Variants in AGMO observed in about 807,000 individuals in gnomAD.
The protein encoded by AGMO is alkylglycerol monooxygenase, also known as glyceryl-ether monooxygenase.
Under a neutral mutation model 60.2 loss-of-function variants are expected in AGMO, and 75 were observed. That is an observed-to-expected ratio of 1.25 (90% CI 1.03 to 1.51). AGMO has a LOEUF of 1.51. Among genes scored for constraint, AGMO ranks in the 40% most tolerant of loss-of-function variants. AGMO has a pLI of 0.00. For missense variants in AGMO, 763 were observed against 525.5 expected, an observed-to-expected ratio of 1.45 and a Z score of -4.42; for synonymous variants, 261 against 177.1, an observed-to-expected ratio of 1.47 and a Z score of -3.76.
At chr7:15,396,810 C>T (rs945617280) in intron 5 of AGMO, among the ~76,000 whole-genome samples, 6 of 152,052 alleles carry the variant, frequency 3.9e-5, no homozygotes, top group African/African-American at 1.4e-4. Flanking sequence ...TTACAGAGAG[C>T]TGATTGGTCC....
chr7:15,184,536 G>A, the AGMO span, among the ~76,000 whole-genome samples: 17 of 98,732 alleles, frequency 1.7e-4, no homozygotes, highest in African/African-American at 6.0e-4. Context: ...GGAAGGAAGG[G>A]AGGTAAAAAG....
intron 12 of AGMO, among the ~76,000 whole-genome samples, chr7:15,273,804 G>A (rs1479400403): frequency 6.6e-6 from 1 of 152,178 alleles, no homozygotes. Context: ...TTGTTGAGCA[G>A]TGGTTTGTAG....
the AGMO span, among the ~76,000 whole-genome samples, chr7:15,173,156 G>T: frequency 2.6e-5 from 4 of 151,692 alleles, no homozygotes; most frequent in African/African-American, 9.7e-5. Context: ...TAAATCTATT[G>T]AATATATTTA....
intron 12 of AGMO, among the ~76,000 whole-genome samples, chr7:15,293,580 T>C (rs1784334603): frequency 6.6e-6 from 1 of 152,160 alleles, no homozygotes; most frequent in Non-Finnish European, 1.5e-5. Context: ...AGGGTACTAG[T>C]TACAAAAAAC....
At chr7:15,260,241 C>T (rs1254708989) in intron 12 of AGMO, among the ~76,000 whole-genome samples, 2 of 149,248 alleles carry the variant, frequency 1.3e-5, no homozygotes, top group Non-Finnish European at 3.0e-5. Context: ...AATTCACCAA[C>T]CAAGTTTCTG....
chr7:15,498,605 G>A (rs547316516), intron 3 of AGMO, among the ~76,000 whole-genome samples: 36 of 152,002 alleles, frequency 2.4e-4, no homozygotes, highest in African/African-American at 8.7e-4. Flanking sequence ...ATTTATGGAT[G>A]CACTGACCAA....
chr7:15,365,642 T>C lies in AGMO; in HGVS notation c.1158-23A>G, dbSNP rs186305485. The C allele has an allele frequency of 4.6e-5, 70 of 1,517,554 alleles. No homozygotes were observed. The African/African-American group carries it at 8.9e-4, about 19-fold the overall frequency. 94.0% of individuals were successfully genotyped at this position (1,517,554 alleles called of 1,614,324 possible). On this transcript the variant is annotated intron_variant, in intron 11 of 12. Coordinates refer to ENST00000342526, the MANE Select transcript of AGMO (RefSeq NM_001004320.2). Reference sequence around the variant, plus strand: ...GGTCTGAAATAAAATGTCATTAACATGCATTAGCTTTAAATATGCTCTTTA... The same window carrying C: ...GGTCTGAAATAAAATGTCATTAACACGCATTAGCTTTAAATATGCTCTTTA...
intron 4 of AGMO, among the ~76,000 whole-genome samples, chr7:15,419,014 T>C (rs1181371606): frequency 6.6e-6 from 1 of 151,912 alleles, no homozygotes; most frequent in African/African-American, 2.4e-5. Flanking sequence ...AATGGATGAC[T>C]TTATACCTTT....
intron 10 of AGMO, among the ~76,000 whole-genome samples, chr7:15,379,958 A>G (rs1330420795): frequency 1.3e-5 from 2 of 152,002 alleles, no homozygotes; most frequent in African/African-American, 4.8e-5. Context: ...TTAATTCGAC[A>G]CCCTTTCATA....
At chr7:15,302,401 G>A (rs898524351) in intron 12 of AGMO, among the ~76,000 whole-genome samples, 1 of 152,050 alleles carries the variant, frequency 6.6e-6, no homozygotes, top group Non-Finnish European at 1.5e-5. Context: ...GAATAAAGTT[G>A]GGGTCTAATA....
intron 10 of AGMO, among the ~76,000 whole-genome samples, chr7:15,383,750 C>G (rs547317212): frequency 6.3e-4 from 95 of 151,978 alleles, no homozygotes; most frequent in Non-Finnish European, 1.1e-3. Flanking sequence ...ATTTATTATT[C>G]TCTGTATTCA....
At chr7:15,324,032 T>C (rs146899622) in intron 12 of AGMO, among the ~76,000 whole-genome samples, 3 of 152,304 alleles carry the variant, frequency 2.0e-5, no homozygotes, top group Admixed American at 6.5e-5. Context: ...ATTTATGTAA[T>C]TGTTCTATAT....
intron 10 of AGMO, among the ~76,000 whole-genome samples, chr7:15,381,203 T>C (rs2128481351): frequency 6.6e-6 from 1 of 152,244 alleles, no homozygotes; most frequent in East Asian, 1.9e-4. Flanking sequence ...CTGAAGAGCT[T>C]CTGCAAAGCA....
intron 3 of AGMO, among the ~76,000 whole-genome samples, chr7:15,480,396 A>G (rs1352384310): frequency 6.6e-6 from 1 of 152,200 alleles, no homozygotes; most frequent in Non-Finnish European, 1.5e-5. Flanking sequence ...AATGGGATTG[A>G]GTAGCCTTCA....
chr7:15,495,966 G>A (rs1168990679), intron 3 of AGMO, among the ~76,000 whole-genome samples: 1 of 151,898 alleles, frequency 6.6e-6, no homozygotes, highest in African/African-American at 2.4e-5. Flanking sequence ...GACCTAATCT[G>A]AATCTTGGTC....
Position 15,306,562 on chromosome 7 carries a change from A to G in AGMO, c.1263+58952T>C, listed in dbSNP as rs765492857. The G allele has an allele frequency of 3.1e-5, 12 of 383,856 alleles. No individual in the cohort carries two copies. The East Asian group carries it at 5.5e-4, about 18-fold the overall frequency. The allele number at this position is 383,856 out of a possible 1,614,324, so 23.8% of individuals were successfully genotyped here. ...AGCCCAATTTCACTTATAACAGAAT[A>G]TGACTGTGTAAAAAAAAAAAAGCAT... is the stretch of plus-strand genomic sequence containing the variant. On this transcript the variant is annotated intron_variant, in intron 12 of 12. Coordinates refer to ENST00000342526, the MANE Select transcript of AGMO (RefSeq NM_001004320.2).
chr7:15,517,919 T>C (rs917881243), intron 3 of AGMO, among the ~76,000 whole-genome samples: 23 of 152,140 alleles, frequency 1.5e-4, no homozygotes, highest in Admixed American at 1.3e-4. Flanking sequence ...TAAGATCCAC[T>C]GGTTTGAAAT....
rs544620531 is a variant in AGMO at position 15,304,718 on chromosome 7, T to C, written c.1263+60796A>G. 1.3e-3 allele frequency among the ~76,000 whole-genome samples: 191 copies of C among 152,194 alleles called. 1 individual carries two copies. Among genetic ancestry groups the C allele is most frequent in the Middle Eastern group, 6.8e-3 (2 of 294 alleles). On this transcript the variant is annotated intron_variant, in intron 12 of 12. Coordinates refer to ENST00000342526, the MANE Select transcript of AGMO (RefSeq NM_001004320.2). ...CAAATAAACCGACATATTTATTTTA[T>C]AGGATGTTGTCTGCATGAATGGAGA...
chr7:15,457,493 G>C (rs528783719), intron 3 of AGMO, among the ~76,000 whole-genome samples: 1 of 152,048 alleles, frequency 6.6e-6, no homozygotes, highest in Admixed American at 6.6e-5. Context: ...AATTTTACTC[G>C]AGTACATTTT....
Sources: allele counts gnomAD v4.1 joint callset (sites outside exome capture counted in the v4.1 genomes callset), GRCh38; gene constraint gnomAD v4.1.1; transcripts MANE v1.5; gene names NCBI Gene and HGNC (gene_info 2026-07-23, HGNC 2026-07-21).